The following CXCL12 variants were observed in gnomAD, a reference collection of about 807,000 sequenced individuals.
CXCL12 encodes C-X-C motif chemokine ligand 12, also known as stromal cell-derived factor 1.
Under a neutral mutation model 10.7 loss-of-function variants are expected in CXCL12, and 4 were observed. The ratio of observed to expected loss-of-function variants is 0.37; its 90% confidence interval spans 0.18 to 0.86. The LOEUF (loss-of-function observed/expected upper bound fraction) is 0.86. Among genes scored for constraint, CXCL12 ranks in the 40% least tolerant of loss-of-function variants. CXCL12 has a pLI of 0.43. For synonymous variants in CXCL12, 54 were observed against 45.4 expected (o/e 1.19, Z -0.77); for missense variants, 122 against 110.4 (o/e 1.10, Z -0.47).
At position 44,380,270 on chromosome 10, in the gene CXCL12, A is replaced by C. The variant is rs182544125; in HGVS notation, c.179+493T>G. ...CCACACCAAATAACACCAAAACCTC[A>C]TATGTTGTACTTGAGAAAATACAGG... is the stretch of plus-strand genomic sequence containing the variant. On this transcript the variant is annotated intron_variant, in intron 2 of 2. Coordinates refer to ENST00000343575, the MANE Select transcript of CXCL12 (RefSeq NM_199168.4). The C allele has an allele frequency of 5.5e-3, 867 of 158,270 alleles. 7 individuals are homozygous for C. The highest frequency in any genetic ancestry group is 9.7e-3 in the Middle Eastern group (3 of 308). The allele number at this position is 158,270 out of a possible 1,614,324, so 9.8% of individuals were successfully genotyped here. A position where few individuals can be genotyped will look rare whatever the true frequency, so the allele number is the denominator to read the frequency against.
At chr10:44,375,172 A>G (rs757612122), downstream of CXCL12, among the ~76,000 whole-genome samples, 1 of 152,184 alleles carries the variant, frequency 6.6e-6, no homozygotes, top group Non-Finnish European at 1.5e-5. Context: ...GACCCGTTTA[A>G]AGACTCTAAA....
At position 44,377,791 on chromosome 10, in the gene CXCL12, C is replaced by A. The variant is rs554382336; in HGVS notation, c.*842G>T. 6.3e-7 allele frequency: 1 copy of A among 1,598,192 alleles called. No individual in the cohort carries two copies. The highest frequency in any genetic ancestry group is 2.2e-5 in the East Asian group (1 of 44,878). On this transcript the variant is annotated 3_prime_UTR_variant, in exon 3 of 3. Coordinates refer to ENST00000343575, the MANE Select transcript of CXCL12 (RefSeq NM_199168.4). ...AGGGCCAGCTCCATTCTGGAGGAGG[C>A]CAAAGACGGATCTCACAGAGGGCCC...
Position 44,377,963 on chromosome 10 carries a change from T to C in CXCL12, c.*670A>G. 4 of 1,520,896 alleles carry C rather than the reference T, an allele frequency of 2.6e-6. No individual in the cohort carries two copies. The highest frequency in any genetic ancestry group is 1.2e-5 in the South Asian group (1 of 81,788). The allele number at this position is 1,520,896 out of a possible 1,614,324, so 94.2% of individuals were successfully genotyped here. A position where few individuals can be genotyped will look rare whatever the true frequency, so the allele number is the denominator to read the frequency against. ...CATGCTCTCGGAGTCGGGGAGAGAG[T>C]AGGAATAGCTGGGAGAGGGGTCTCT... On this transcript the variant is annotated 3_prime_UTR_variant, in exon 3 of 3. Transcript: ENST00000343575.
At chr10:44,376,985 G>C (rs975524667), downstream of CXCL12, 107 of 456,292 alleles carry the variant, frequency 2.3e-4, no homozygotes, top group Admixed American at 5.1e-4. Context: ...CCCATACACT[G>C]TCACACATGG....
At chr10:44,382,549 C>T (rs989528471) in intron 1 of CXCL12, among the ~76,000 whole-genome samples, 1 of 152,108 alleles carries the variant, frequency 6.6e-6, no homozygotes, top group Non-Finnish European at 1.5e-5. Context: ...GTGCTGCAGC[C>T]GCCCCCGCTG....
chr10:44,381,553 G>A (rs767662742), intron 1 of CXCL12, among the ~76,000 whole-genome samples: 4 of 152,250 alleles, frequency 2.6e-5, no homozygotes, highest in Non-Finnish European at 5.9e-5. Context: ...GTTAAATGTG[G>A]TTTTCATTGC....
At chr10:44,375,427 C>T (rs1839425134), downstream of CXCL12, among the ~76,000 whole-genome samples, 1 of 152,222 alleles carries the variant, frequency 6.6e-6, no homozygotes, top group South Asian at 2.1e-4. Flanking sequence ...AGTCAGTTTT[C>T]ACCTTTCCTG....
chr10:44,376,929 A>AT, downstream of CXCL12: 2 of 182,310 alleles, frequency 1.1e-5, no homozygotes, highest in Non-Finnish European at 2.1e-5. Flanking sequence ...AAAAAAAAAA[A>AT]GATCCAAAAA....
chr10:44,372,727 G>C, downstream of CXCL12: 1 of 1,431,552 alleles, frequency 7.0e-7, no homozygotes. Context: ...CTCGGGATGA[G>C]GGCTGGGTCT....
In CXCL12 at chr10:44,385,064, G is replaced by T. The variant is rs1431714865; in HGVS notation, c.-59C>A. The T allele has an allele frequency of 3.1e-6, 4 of 1,283,554 alleles. No individual in the cohort carries two copies. Among genetic ancestry groups the T allele is most frequent in the African/African-American group, 3.1e-5 (2 of 64,308 alleles). 79.5% of individuals were successfully genotyped at this position (1,283,554 alleles called of 1,614,324 possible). A position where few individuals can be genotyped will look rare whatever the true frequency, so the allele number is the denominator to read the frequency against. ...GCGGGTCGGGGGCCGGACGCCGAGCGGGCAATGCGGCTGACGGAGAGTGAA... is the reference window on the plus strand; with the variant it reads ...GCGGGTCGGGGGCCGGACGCCGAGCTGGCAATGCGGCTGACGGAGAGTGAA... On this transcript the variant is annotated 5_prime_UTR_variant, in exon 1 of 3. Coordinates refer to ENST00000343575, the MANE Select transcript of CXCL12 (RefSeq NM_199168.4).
chr10:44,380,208 T>G (rs1839587946), intron 2 of CXCL12, among the ~76,000 whole-genome samples: 1 of 152,228 alleles, frequency 6.6e-6, no homozygotes, highest in Non-Finnish European at 1.5e-5. Flanking sequence ...GGTCTTTGTT[T>G]CCCAAATGAA....
In CXCL12 at chr10:44,378,631, G is replaced by A. The variant is rs749856360; in HGVS notation, c.*2C>T. On this transcript the variant is annotated 3_prime_UTR_variant, in exon 3 of 3. Transcript: ENST00000343575. ...GCGGAAAGTCCTTTTTGGCTGTTGT[G>A]CTTACTTGTTTAAAGCTTTCTCCAG... 1.5e-5 allele frequency: 25 copies of A among 1,614,114 alleles called. No individual in the cohort carries two copies. In the South Asian group the frequency reaches 2.5e-4, roughly 16 times the overall value.
At chr10:44,383,326 C>CT (rs1178270576) in intron 1 of CXCL12, among the ~76,000 whole-genome samples, 1 of 152,204 alleles carries the variant, frequency 6.6e-6, no homozygotes, top group Admixed American at 6.5e-5. Context: ...TGGGGCAACT[C>CT]TGAGGGCCAT....
chr10:44,385,020 G>C lies in CXCL12; in HGVS notation c.-15C>G, dbSNP rs1163797831. On this transcript the variant is annotated 5_prime_UTR_variant, in exon 1 of 3. Transcript: ENST00000343575. Reference sequence around the variant, plus strand: ...TTGGCGTTCATGGCGCGGGCGGGCGGGCGGGCGGGCGGACGAGCGCGGGTC... The same window carrying C: ...TTGGCGTTCATGGCGCGGGCGGGCGCGCGGGCGGGCGGACGAGCGCGGGTC... 2 of 1,450,702 alleles carry C rather than the reference G, an allele frequency of 1.4e-6. No individual in the cohort carries two copies. Among genetic ancestry groups the C allele is most frequent in the Non-Finnish European group, 1.8e-6 (2 of 1,097,054 alleles). The allele number at this position is 1,450,702 out of a possible 1,614,324, so 89.9% of individuals were successfully genotyped here.
At chr10:44,382,940 C>A (rs17880066) in intron 1 of CXCL12, among the ~76,000 whole-genome samples, 2 of 152,212 alleles carry the variant, frequency 1.3e-5, no homozygotes, top group Non-Finnish European at 2.9e-5. Flanking sequence ...AGAGTCCTGA[C>A]TGGCTCTGAT....
chr10:44,374,664 G>A (rs1388218527), downstream of CXCL12: 1 of 455,960 alleles, frequency 2.2e-6, no homozygotes, highest in African/African-American at 2.0e-5. Flanking sequence ...AGCTCAAGGG[G>A]ACACCACGCT....
chr10:44,378,331 C>T lies in CXCL12; in HGVS notation c.*302G>A, dbSNP rs75462268. The T allele has an allele frequency of 4.0e-6, 6 of 1,487,236 alleles. No homozygotes were observed. The highest frequency in any genetic ancestry group is 5.9e-5 in the East Asian group (2 of 34,112). The allele number at this position is 1,487,236 out of a possible 1,614,324, so 92.1% of individuals were successfully genotyped here. ...GTGATGATCATGAAGGAACTAACTGCTTGAAAATGCTGTTGATAATACAAT... is the reference window on the plus strand; with the variant it reads ...GTGATGATCATGAAGGAACTAACTGTTTGAAAATGCTGTTGATAATACAAT... On this transcript the variant is annotated 3_prime_UTR_variant, in exon 3 of 3. Transcript: ENST00000343575.
chr10:44,379,423 C>G (rs1171441344), intron 2 of CXCL12, among the ~76,000 whole-genome samples: 1 of 152,168 alleles, frequency 6.6e-6, no homozygotes, highest in Admixed American at 6.5e-5. Flanking sequence ...TGGGGAAGGC[C>G]TGATTTCATC....
At chr10:44,375,111 G>A (rs1839418169), downstream of CXCL12, among the ~76,000 whole-genome samples, 1 of 152,174 alleles carries the variant, frequency 6.6e-6, no homozygotes, top group African/African-American at 2.4e-5. Context: ...GGATCCCCAG[G>A]GATTCAGGAC....
Sources: gnomAD v4.1 joint callset for allele counts (sites outside exome capture counted in the v4.1 genomes callset) on GRCh38, gnomAD v4.1.1 for gene constraint, MANE v1.5 for transcripts, NCBI Gene and HGNC (gene_info 2026-07-23, HGNC 2026-07-21) for gene names.